KLF8: variants seen among roughly 807,000 people sequenced by gnomAD.
KLF8 encodes the protein KLF transcription factor 8.
A neutral mutation model predicts 18.2 loss-of-function variants in KLF8; 10 were observed. The ratio of observed to expected loss-of-function variants is 0.55; its 90% confidence interval spans 0.34 to 0.93. The LOEUF is 0.93. Ranked by LOEUF, KLF8 falls within the 40% of genes least tolerant of loss-of-function variation. The pLI, the probability that KLF8 is intolerant of heterozygous loss-of-function variation, is 0.02. For synonymous variants in KLF8, 109 were observed against 97.3 expected (o/e 1.12, Z -0.71); for missense variants, 264 against 277.9 (o/e 0.95, Z 0.36).
At chrX:56,139,210 G>A in the KLF8 span, among the ~76,000 whole-genome samples, 1 of 111,769 alleles carries the variant, frequency 8.9e-6, no homozygotes, top group African/African-American at 3.3e-5. Context: ...AATCAATATT[G>A]TTAATGTGGC....
the KLF8 span, among the ~76,000 whole-genome samples, chrX:56,007,287 G>A: frequency 2.1e-3 from 239 of 111,265 alleles, 1 homozygote; most frequent in Middle Eastern, 9.3e-3. Flanking sequence ...CCCAGAGCAG[G>A]ATGTAGTCTG....
At chrX:56,022,779 G>A in the KLF8 span, among the ~76,000 whole-genome samples, 1 of 109,475 alleles carries the variant, frequency 9.1e-6, no homozygotes, top group Non-Finnish European at 1.9e-5. Flanking sequence ...CCAGAAAACT[G>A]TCATTATTCA....
the KLF8 span, among the ~76,000 whole-genome samples, chrX:56,173,250 T>G: frequency 8.9e-6 from 1 of 112,112 alleles, no homozygotes; most frequent in South Asian, 3.7e-4. Context: ...ATTTAAGTCT[T>G]TAATCCATCT....
intron 1 of KLF8, among the ~76,000 whole-genome samples, chrX:56,248,399 T>C (rs1213725239): frequency 8.9e-6 from 1 of 111,816 alleles, no homozygotes; most frequent in Non-Finnish European, 1.9e-5. Context: ...ATGTTCACAT[T>C]AACTCTGTTA....
chrX:56,190,040 TA>T, the KLF8 span, among the ~76,000 whole-genome samples: 1 of 109,079 alleles, frequency 9.2e-6, no homozygotes, highest in Non-Finnish European at 1.9e-5. Context: ...ATTAAAAAAA[TA>T]AAAAAATAAA....
chrX:56,095,224 G>A, the KLF8 span, among the ~76,000 whole-genome samples: 1 of 112,044 alleles, frequency 8.9e-6, no homozygotes, highest in Non-Finnish European at 1.9e-5. Context: ...ACTGGGGAAT[G>A]TACACCCTAT....
the KLF8 span, among the ~76,000 whole-genome samples, chrX:56,208,931 T>G: frequency 8.9e-6 from 1 of 112,313 alleles, no homozygotes; most frequent in East Asian, 2.8e-4. Context: ...AAATGTTTAT[T>G]CTGCAGCTCT....
At chrX:56,184,859 C>A in the KLF8 span, among the ~76,000 whole-genome samples, 1 of 111,793 alleles carries the variant, frequency 8.9e-6, no homozygotes, top group African/African-American at 3.3e-5. Context: ...GACATCCACA[C>A]CAAAAACCCA....
At chrX:56,186,040 G>A in the KLF8 span, among the ~76,000 whole-genome samples, 2 of 112,255 alleles carry the variant, frequency 1.8e-5, no homozygotes, top group African/African-American at 6.5e-5. Flanking sequence ...AACTTTAAAT[G>A]TAAATGCACT....
At chrX:56,182,845 T>A in the KLF8 span, among the ~76,000 whole-genome samples, 1 of 111,872 alleles carries the variant, frequency 8.9e-6, no homozygotes, top group African/African-American at 3.2e-5. Flanking sequence ...CATCTCAGAG[T>A]GGCACCTGGC....
the KLF8 span, among the ~76,000 whole-genome samples, chrX:56,062,469 C>A: frequency 8.9e-6 from 1 of 111,803 alleles, no homozygotes; most frequent in African/African-American, 3.3e-5. Flanking sequence ...TTATGAAATT[C>A]TGGATTGAAA....
At chrX:55,958,640 T>G in the KLF8 span, among the ~76,000 whole-genome samples, 1 of 112,148 alleles carries the variant, frequency 8.9e-6, no homozygotes, top group Non-Finnish European at 1.9e-5. Flanking sequence ...CCTGGTGGAA[T>G]AGACAGAATA....
At chrX:56,001,072 T>A in the KLF8 span, among the ~76,000 whole-genome samples, 6 of 112,265 alleles carry the variant, frequency 5.3e-5, no homozygotes, top group Non-Finnish European at 9.4e-5. Context: ...GCCTTATTGT[T>A]GCTATCACTG....
chrX:56,156,410 CCA>C, the KLF8 span, among the ~76,000 whole-genome samples: 1 of 109,737 alleles, frequency 9.1e-6, no homozygotes, highest in Non-Finnish European at 1.9e-5. Flanking sequence ...CTAATAGGCC[CCA>C]GAGTATGTTG....
At chrX:56,241,669 G>A (rs1453499599) in intron 1 of KLF8, among the ~76,000 whole-genome samples, 1 of 111,884 alleles carries the variant, frequency 8.9e-6, no homozygotes, top group Non-Finnish European at 1.9e-5. Flanking sequence ...AAAGGACTAA[G>A]TAGTTTACTC....
the KLF8 span, among the ~76,000 whole-genome samples, chrX:55,931,648 C>A: frequency 1.8e-5 from 2 of 111,891 alleles, no homozygotes; most frequent in African/African-American, 6.5e-5. Flanking sequence ...CATTCAGGAG[C>A]AGGTTGTTCA....
At chrX:56,173,262 G>A in the KLF8 span, among the ~76,000 whole-genome samples, 4 of 111,760 alleles carry the variant, frequency 3.6e-5, no homozygotes, top group African/African-American at 9.8e-5. Context: ...AATCCATCTT[G>A]AATTAATTTT....
chrX:56,076,331 C>A, the KLF8 span, among the ~76,000 whole-genome samples: 8 of 94,371 alleles, frequency 8.5e-5, no homozygotes, highest in East Asian at 2.2e-3. Context: ...TGATGTTCCC[C>A]TTCCTGTGTC....
At chrX:55,975,243 G>A in the KLF8 span, among the ~76,000 whole-genome samples, 2 of 111,144 alleles carry the variant, frequency 1.8e-5, no homozygotes, top group African/African-American at 6.5e-5. Flanking sequence ...TAGTGTTCCA[G>A]GAAGGAAGAT....
Sources: gnomAD v4.1 joint callset for allele counts (sites outside exome capture counted in the v4.1 genomes callset) on GRCh38, gnomAD v4.1.1 for gene constraint, MANE v1.5 for transcripts, NCBI Gene and HGNC (gene_info 2026-07-23, HGNC 2026-07-21) for gene names.